Variants in HERC2 observed in about 807,000 individuals in gnomAD.
HERC2 encodes the protein HECT and RLD domain containing E3 ubiquitin protein ligase 2, also known as E3 ubiquitin-protein ligase HERC2.
HERC2 carries 102 observed loss-of-function variants against 537.7 expected under a neutral mutation model. The observed-to-expected ratio is 0.19, with a 90% CI of 0.16 to 0.22. HERC2 has a LOEUF of 0.22. Ranked by LOEUF, HERC2 falls within the 10% of genes least tolerant of loss-of-function variation. HERC2 has a pLI of 1.00. For missense variants in HERC2, 4,236 were observed against 6,198.2 expected (o/e 0.68, Z 10.63); for synonymous variants, 2,224 against 2,466.2 (o/e 0.90, Z 2.91).
intron 43 of HERC2, among the ~76,000 whole-genome samples, 192 bp downstream of exon 43, chr15:28,212,253 G>T (rs550076352): frequency 6.6e-6 from 1 of 152,290 alleles, no homozygotes; most frequent in Admixed American, 6.5e-5. Context: ...CGAACATGGC[G>T]ACAAAAGCTG....
intron 26 of HERC2, among the ~76,000 whole-genome samples, chr15:28,236,253 C>T (rs1222264947): frequency 6.6e-6 from 1 of 152,098 alleles, no homozygotes; most frequent in African/African-American, 2.4e-5. Flanking sequence ...GTCTCACTAT[C>T]CTTATTATTA....
intron 2 of HERC2, among the ~76,000 whole-genome samples, chr15:28,316,655 G>GTTACAAATGTTAC (rs2077094778): frequency 2.0e-5 from 3 of 152,168 alleles, no homozygotes; most frequent in Non-Finnish European, 2.9e-5. Flanking sequence ...AAACGTCAAT[G>GTTACAAATGTTAC]AAGACTCCCA....
intron 78 of HERC2, among the ~76,000 whole-genome samples, chr15:28,139,339 G>A (rs1890957533): frequency 6.6e-6 from 1 of 152,186 alleles, no homozygotes; most frequent in Admixed American, 6.5e-5. Context: ...CGCCTCCCTT[G>A]CTCTCGCTGA....
At chr15:28,187,777 A>G (rs940128429) in intron 55 of HERC2, among the ~76,000 whole-genome samples, 2 of 152,202 alleles carry the variant, frequency 1.3e-5, no homozygotes, top group African/African-American at 4.8e-5. Flanking sequence ...TCAAATCAGA[A>G]CACAAGCAAG....
At chr15:28,209,856 G>C (rs1898944250) in intron 44 of HERC2, among the ~76,000 whole-genome samples, 1 of 146,892 alleles carries the variant, frequency 6.8e-6, no homozygotes, top group African/African-American at 2.5e-5. Flanking sequence ...CACAACATAA[G>C]AATAGGTATT....
chr15:28,257,000 C>G, intron 17 of HERC2, 61 bp downstream of exon 17: 1 of 1,430,422 alleles, frequency 7.0e-7, no homozygotes. Context: ...AATACATAAA[C>G]CTTCTTACAA....
At chr15:28,152,353 A>G (rs1431564225) in intron 70 of HERC2, among the ~76,000 whole-genome samples, 1 of 152,240 alleles carries the variant, frequency 6.6e-6, no homozygotes, top group African/African-American at 2.4e-5. Flanking sequence ...GATCAATATC[A>G]GGACAGCATC....
chr15:28,246,414 C>G (rs549089202), intron 22 of HERC2, among the ~76,000 whole-genome samples: 20 of 152,070 alleles, frequency 1.3e-4, no homozygotes, highest in Admixed American at 9.8e-4. Flanking sequence ...CAGGTAATAT[C>G]AGAATTTTTA....
chr15:28,190,928 T>G, intron 55 of HERC2, 37 bp downstream of exon 55: 3 of 1,390,948 alleles, frequency 2.2e-6, no homozygotes, highest in Non-Finnish European at 3.1e-6. Context: ...TTGTCATCTG[T>G]AAATCATCCA....
At position 28,200,106 on chromosome 15, in the gene HERC2, G is replaced by A. The variant is rs140746857; in HGVS notation, c.7717-1337C>T. Among the ~76,000 whole-genome samples the A allele has an allele frequency of 1.1e-3, 170 of 152,230 alleles. 2 individuals carry two copies. The highest frequency in any genetic ancestry group is 6.8e-3 in the Middle Eastern group (2 of 294). On this transcript the variant is annotated intron_variant, in intron 48 of 92. Coordinates refer to ENST00000261609, the MANE Select transcript of HERC2 (RefSeq NM_004667.6). ...AACAGGACTAGGGTCTTTATAAGAAGAGACTCCAGGATGGGCATGGTGGCT... is the reference window on the plus strand; with the variant it reads ...AACAGGACTAGGGTCTTTATAAGAAAAGACTCCAGGATGGGCATGGTGGCT...
Position 28,111,973 on chromosome 15 carries a change from C to G in HERC2, c.14295G>C (p.Leu4765Phe), listed in dbSNP as rs1245817827. Residue 4765 changes from leucine (L) to phenylalanine (F), a missense_variant, in exon 93 of 93, where the codon TTG becomes TTC. Around this residue, in one of 27 missense-constraint regions of HERC2, gnomAD observed 313 missense variants for 462.6 expected, o/e 0.68. Coordinates refer to ENST00000261609, the MANE Select transcript of HERC2 (RefSeq NM_004667.6). Reference sequence around the variant, plus strand: ...TGCAGGAATACCTGGGCAGCTTCAGCAAGAAGAAACAGGTGTAGGACTCAG... The same window carrying G: ...TGCAGGAATACCTGGGCAGCTTCAGGAAGAAGAAACAGGTGTAGGACTCAG... Reference protein sequence around the residue: ...FLPESYTCFFLLKLPRYSCKQ... With the variant: ...FLPESYTCFFFLKLPRYSCKQ... 6.2e-7 allele frequency: 1 copy of G among 1,614,082 alleles called. No individual in the cohort carries two copies. The highest frequency in any genetic ancestry group is 1.7e-5 in the Admixed American group (1 of 60,018).
chr15:28,112,916 C>A (rs192466492), intron 92 of HERC2, among the ~76,000 whole-genome samples, 155 bp downstream of exon 92: 1 of 152,150 alleles, frequency 6.6e-6, no homozygotes, highest in Non-Finnish European at 1.5e-5. Flanking sequence ...ACATTTTGAG[C>A]CTTCACATCA....
chr15:28,290,440 G>C (rs1421284742), intron 4 of HERC2, among the ~76,000 whole-genome samples: 2 of 152,200 alleles, frequency 1.3e-5, no homozygotes, highest in African/African-American at 4.8e-5. Context: ...ATGTTGGCCA[G>C]GCTGGTCTCA....
rs1216808915 is a variant in HERC2 at position 28,238,133 on chromosome 15, C to G, written c.3833G>C (p.Cys1278Ser). 2.5e-6 allele frequency: 4 copies of G among 1,611,824 alleles called. No homozygotes were observed. Residue 1278 changes from cysteine (C) to serine (S), a missense_variant, in exon 25 of 93, where the codon TGT becomes TCT. Cys to Ser is a moderately radical substitution (Grantham distance 112). This residue lies in a region of HERC2 where 754 missense variants were observed against 1,085.0 expected (regional missense o/e 0.69). Transcript: ENST00000261609. ...CCTCACCTCCAAATACTGGCCAACA[C>G]AAAACGCGTGCATGGATTCCCGGGT... is the stretch of plus-strand genomic sequence containing the variant. The part of the protein sequence containing the change: ...EDTRESMHAF[C>S]VGQYLEPDQE...
chr15:28,184,787 A>C (rs1026627777), intron 56 of HERC2, among the ~76,000 whole-genome samples: 4 of 151,574 alleles, frequency 2.6e-5, no homozygotes, highest in Non-Finnish European at 2.9e-5. Context: ...GCGTGAACCC[A>C]GGAAGCGGAG....
chr15:28,213,709 T>C, intron 42 of HERC2, 33 bp downstream of exon 42: 1 of 1,612,294 alleles, frequency 6.2e-7, no homozygotes, highest in Non-Finnish European at 8.5e-7. Flanking sequence ...CAATTTCCCT[T>C]ATCATGCAGT....
At position 28,186,783 on chromosome 15, in the gene HERC2, T is replaced by C. The variant is rs1366163792; in HGVS notation, c.8650-31A>G. On this transcript the variant is annotated intron_variant, in intron 55 of 92. Transcript: ENST00000261609. The stretch of plus-strand genomic sequence containing the variant: ...CACAAAAACCATGATCTATAGACTC[T>C]GTAGAATCAAGCATATTAGATCCTC... The C allele has an allele frequency of 2.6e-6, 4 of 1,546,526 alleles. No individual in the cohort carries two copies. In the South Asian group the frequency reaches 4.5e-5, roughly 17 times the overall value.
At chr15:28,185,826 G>C (rs1200706080) in intron 56 of HERC2, among the ~76,000 whole-genome samples, 5 of 152,132 alleles carry the variant, frequency 3.3e-5, no homozygotes, top group African/African-American at 1.2e-4. Flanking sequence ...CTTACCAAAG[G>C]CCTAATAGCA....
intron 17 of HERC2, 58 bp downstream of exon 17, chr15:28,257,000 CCTT>C: frequency 7.0e-7 from 1 of 1,430,422 alleles, no homozygotes; most frequent in Non-Finnish European, 9.8e-7. Flanking sequence ...AATACATAAA[CCTT>C]CTTACAAATC....
Sources: allele counts gnomAD v4.1 joint callset (sites outside exome capture counted in the v4.1 genomes callset), GRCh38; gene constraint gnomAD v4.1.1; regional missense constraint gnomAD v4.1.1; transcripts MANE v1.5; gene names NCBI Gene and HGNC (gene_info 2026-07-23, HGNC 2026-07-21).